ELAPOR2: variants seen among roughly 807,000 people sequenced by gnomAD.
The protein encoded by ELAPOR2 is endosome/lysosome-associated apoptosis and autophagy regulator family member 2.
ELAPOR2 carries 89 observed loss-of-function variants against 120.7 expected under a neutral mutation model. The observed-to-expected ratio is 0.74, with a 90% CI of 0.62 to 0.88. ELAPOR2 has a LOEUF of 0.88. Ranked by LOEUF, ELAPOR2 falls within the 40% of genes least tolerant of loss-of-function variation. The pLI is 0.00. For missense variants in ELAPOR2, 1,134 were observed against 1,251.6 expected (o/e 0.91, Z 1.42); for synonymous variants, 444 against 444.9 (o/e 1.00, Z 0.03).
chr7:86,888,006 G>C (rs556984335), intron 21 of ELAPOR2, among the ~76,000 whole-genome samples: 1 of 152,148 alleles, frequency 6.6e-6, no homozygotes, highest in African/African-American at 2.4e-5. Flanking sequence ...GTAACCTCAG[G>C]CTTCCTGGGT....
chr7:87,009,892 C>A (rs1250713196), intron 1 of ELAPOR2, among the ~76,000 whole-genome samples: 4 of 152,070 alleles, frequency 2.6e-5, no homozygotes, highest in African/African-American at 9.7e-5. Context: ...TCCAGTAAAC[C>A]TAAAAAAGCT....
chr7:86,993,250 A>AAAAAAAAAT (rs56864986), intron 1 of ELAPOR2, among the ~76,000 whole-genome samples: 1 of 135,944 alleles, frequency 7.4e-6, no homozygotes, highest in Non-Finnish European at 1.6e-5. Flanking sequence ...AAAAAAAAAA[A>AAAAAAAAAT]GAAAAAGAAA....
intron 1 of ELAPOR2, among the ~76,000 whole-genome samples, chr7:87,025,616 T>C (rs1179341666): frequency 6.6e-6 from 1 of 152,180 alleles, no homozygotes; most frequent in Non-Finnish European, 1.5e-5. Flanking sequence ...TGCCAATCAA[T>C]TCACTTCCAA....
chr7:87,046,586 C>A (rs1329292905), intron 1 of ELAPOR2, among the ~76,000 whole-genome samples: 2 of 152,154 alleles, frequency 1.3e-5, no homozygotes, highest in Non-Finnish European at 2.9e-5. Flanking sequence ...CCCCACATGT[C>A]AAGGGAGGGA....
intron 7 of ELAPOR2, 125 bp from the exon 8 acceptor site, chr7:86,938,339 G>T: frequency 1.5e-6 from 1 of 656,200 alleles, no homozygotes; most frequent in Non-Finnish European, 2.7e-6. Flanking sequence ...AATTTAGGTA[G>T]AACTACCTAG....
Position 87,034,853 on chromosome 7 carries a change from C to G in ELAPOR2, c.189+24472G>C, listed in dbSNP as rs145739862. ...ATCCAAGCACTTTGGGAGGCCAAGG[C>G]GGCTGGATCACCTAAGGTCAGGAAT... On this transcript the variant is annotated intron_variant, in intron 1 of 21. Transcript: ENST00000450689. Among the ~76,000 whole-genome samples the G allele has an allele frequency of 4.1e-3, 630 of 152,108 alleles. 3 individuals are homozygous for G. The highest frequency in any genetic ancestry group is 0.015 in the African/African-American group (607 of 41,486).
chr7:86,908,554 T>A lies in ELAPOR2; in HGVS notation c.2360-11A>T. ...TTTCAACTGTGACTCCTAGATGACA[T>A]TTAAAAAGAAACTATTAAGCAATAT... On this transcript the variant is annotated splice_polypyrimidine_tract_variant and intron_variant, in intron 16 of 21. Transcript: ENST00000450689. 1 of 1,292,560 alleles carries A rather than the reference T, an allele frequency of 7.7e-7. No individual in the cohort carries two copies. Among genetic ancestry groups the A allele is most frequent in the Non-Finnish European group, 1.1e-6 (1 of 920,882 alleles). 80.1% of individuals were successfully genotyped at this position (1,292,560 alleles called of 1,614,324 possible). A position where few individuals can be genotyped will look rare whatever the true frequency, so the allele number is the denominator to read the frequency against.
At chr7:86,914,924 A>G (rs1789495418) in intron 12 of ELAPOR2, 64 bp from the exon 13 acceptor site, 1 of 1,241,128 alleles carries the variant, frequency 8.1e-7, no homozygotes, top group Non-Finnish European at 1.1e-6. Context: ...ATACCTGTGT[A>G]TATATTACAA....
At chr7:86,987,218 T>A (rs1228027166) in intron 1 of ELAPOR2, among the ~76,000 whole-genome samples, 1 of 152,200 alleles carries the variant, frequency 6.6e-6, no homozygotes, top group East Asian at 1.9e-4. Flanking sequence ...AAGATTTAAA[T>A]GTATGATCTA....
At chr7:86,890,705 T>G (rs1399104780) in intron 21 of ELAPOR2, among the ~76,000 whole-genome samples, 1 of 152,094 alleles carries the variant, frequency 6.6e-6, no homozygotes, top group East Asian at 1.9e-4. Context: ...ATCTCCGATC[T>G]TAATAATCAC....
intron 1 of ELAPOR2, among the ~76,000 whole-genome samples, chr7:87,031,737 T>A (rs540397023): frequency 6.6e-6 from 1 of 152,170 alleles, no homozygotes. Flanking sequence ...GATTACATTA[T>A]CTTATTGGAG....
At position 87,004,380 on chromosome 7, in the gene ELAPOR2, G is replaced by A. The variant is rs183992747; in HGVS notation, c.190-39356C>T. Among the ~76,000 whole-genome samples the A allele has an allele frequency of 2.4e-4, 37 of 152,268 alleles. No homozygotes were observed. The East Asian group carries it at 2.7e-3, about 11-fold the overall frequency. ...AAACAAAATCAATGTTTCTATACACGTTACTCATTTCATTACGTACTTTCA... is the reference window on the plus strand; with the variant it reads ...AAACAAAATCAATGTTTCTATACACATTACTCATTTCATTACGTACTTTCA... On this transcript the variant is annotated intron_variant, in intron 1 of 21. Coordinates refer to ENST00000450689, the MANE Select transcript of ELAPOR2 (RefSeq NM_001142749.3).
intron 1 of ELAPOR2, among the ~76,000 whole-genome samples, chr7:86,976,178 A>C (rs1419140973): frequency 6.6e-6 from 1 of 152,212 alleles, no homozygotes; most frequent in Non-Finnish European, 1.5e-5. Context: ...AGATAACTAG[A>C]ACAGGGACTT....
intron 15 of ELAPOR2, among the ~76,000 whole-genome samples, chr7:86,911,415 T>G (rs1789302247): frequency 6.6e-6 from 1 of 151,992 alleles, no homozygotes; most frequent in East Asian, 1.9e-4. Flanking sequence ...AATATAGGAG[T>G]TAATATGGGA....
intron 1 of ELAPOR2, among the ~76,000 whole-genome samples, chr7:86,984,242 C>A (rs13234729): frequency 0.38 from 57,473 of 151,846 alleles, 11,715 homozygotes; most frequent in African/African-American, 0.53. Context: ...TAATGGGAGA[C>A]TTTAACACCC....
intron 1 of ELAPOR2, among the ~76,000 whole-genome samples, chr7:87,045,382 G>A (rs962821152): frequency 2.7e-5 from 4 of 150,374 alleles, no homozygotes; most frequent in Admixed American, 6.6e-5. Flanking sequence ...TGATAGACTG[G>A]ATTAAGAAAA....
intron 2 of ELAPOR2, among the ~76,000 whole-genome samples, chr7:86,963,675 G>A (rs1791799843): frequency 6.6e-6 from 1 of 152,174 alleles, no homozygotes; most frequent in South Asian, 2.1e-4. Context: ...GCAAGTGACT[G>A]AAGCAAATTT....
At chr7:87,045,403 A>G (rs1249973015) in intron 1 of ELAPOR2, among the ~76,000 whole-genome samples, 3 of 150,910 alleles carry the variant, frequency 2.0e-5, no homozygotes, top group Non-Finnish European at 4.4e-5. Flanking sequence ...TGTGGCACAT[A>G]TACACCATGG....
At chr7:87,012,777 C>A (rs184248438) in intron 1 of ELAPOR2, among the ~76,000 whole-genome samples, 3 of 152,310 alleles carry the variant, frequency 2.0e-5, no homozygotes, top group Non-Finnish European at 4.4e-5. Context: ...AAAGTCATAT[C>A]TTCCATGGGT....
Sources: gnomAD v4.1 joint callset for allele counts (sites outside exome capture counted in the v4.1 genomes callset) on GRCh38, gnomAD v4.1.1 for gene constraint, MANE v1.5 for transcripts, NCBI Gene and HGNC (gene_info 2026-07-23, HGNC 2026-07-21) for gene names.